Variants in ASIC2 observed in about 807,000 individuals in gnomAD.
ASIC2 encodes acid sensing ion channel subunit 2.
A neutral mutation model predicts 57.3 loss-of-function variants in ASIC2; 25 were observed. That is an observed-to-expected ratio of 0.44 (90% CI 0.32 to 0.61). The LOEUF (loss-of-function observed/expected upper bound fraction) is 0.61, where lower values mean the gene tolerates loss of function less well. ASIC2 is among the 20% of genes least tolerant of loss of function. The pLI is 0.06. For synonymous variants in ASIC2, 319 were observed against 307.5 expected (o/e 1.04, Z -0.39); for missense variants, 641 against 738.1 (o/e 0.87, Z 1.52).
At position 33,891,920 on chromosome 17, in the gene ASIC2, C is replaced by A. The variant is rs576853154; in HGVS notation, c.555+264058G>T. Among the ~76,000 whole-genome samples, 4 of 152,326 alleles carry A rather than the reference C, an allele frequency of 2.6e-5. No individual in the cohort carries two copies. In the South Asian group the frequency reaches 8.3e-4, roughly 32 times the overall value. On this transcript the variant is annotated intron_variant, in intron 1 of 9. Coordinates refer to the ASIC2 transcript ENST00000359872. ...CCTGGAGCTATTTGGGTGGTGGTTT[C>A]ATTTTTCTGCTCTATTTTTTCTTTA...
At chr17:33,052,781 T>G in intron 3 of ASIC2, 1 of 152,184 alleles carries the variant, frequency 6.6e-6, no homozygotes, top group African/African-American at 2.4e-5. Context: ...AGGGCAGTTC[T>G]CCAGTATTGG....
chr17:33,313,075 A>T (rs1004130421), intron 1 of ASIC2, among the ~76,000 whole-genome samples: 1 of 152,170 alleles, frequency 6.6e-6, no homozygotes, highest in Non-Finnish European at 1.5e-5. Context: ...TGGGAGACCA[A>T]GGTGGGAGGA....
chr17:33,742,977 A>G (rs1000933904), intron 1 of ASIC2, among the ~76,000 whole-genome samples: 2 of 152,136 alleles, frequency 1.3e-5, no homozygotes, highest in Non-Finnish European at 2.9e-5. Context: ...TCCTGTTGGT[A>G]AGTCCTAGTA....
intron 1 of ASIC2, among the ~76,000 whole-genome samples, chr17:34,074,368 C>T (rs967624329): frequency 2.0e-5 from 3 of 152,090 alleles, no homozygotes; most frequent in African/African-American, 4.8e-5. Flanking sequence ...ATACAGGCAC[C>T]GAGGCTCTGA....
At chr17:33,255,120 A>G (rs780516314) in intron 1 of ASIC2, among the ~76,000 whole-genome samples, 4 of 145,624 alleles carry the variant, frequency 2.7e-5, no homozygotes. Flanking sequence ...GCTCACTGAA[A>G]CCTCCACCTC....
chr17:33,247,908 G>A (rs763113210), intron 1 of ASIC2, among the ~76,000 whole-genome samples: 10 of 152,204 alleles, frequency 6.6e-5, no homozygotes, highest in Non-Finnish European at 1.2e-4. Flanking sequence ...CTTAGACTCT[G>A]AAGTATATGT....
chr17:33,771,061 C>G (rs1377263817), intron 1 of ASIC2, among the ~76,000 whole-genome samples: 1 of 152,188 alleles, frequency 6.6e-6, no homozygotes, highest in Non-Finnish European at 1.5e-5. Context: ...AGGCACTGAA[C>G]TAAGAGCTCT....
intron 1 of ASIC2, among the ~76,000 whole-genome samples, chr17:33,742,502 G>A (rs951670544): frequency 6.6e-6 from 1 of 152,228 alleles, no homozygotes; most frequent in Non-Finnish European, 1.5e-5. Flanking sequence ...CTAGAGAGGA[G>A]TGACAGAGTC....
chr17:33,291,383 C>A (rs752537589), intron 1 of ASIC2, 25 bp downstream of exon 1: 1 of 1,575,200 alleles, frequency 6.3e-7, no homozygotes, highest in Admixed American at 1.7e-5. Context: ...GCAGAGGGAG[C>A]GGGTTCGCGC....
chr17:33,794,659 C>T (rs1911864136), intron 1 of ASIC2: 2 of 152,104 alleles, frequency 1.3e-5, no homozygotes, highest in South Asian at 2.1e-4. Flanking sequence ...ATGACATCTT[C>T]CAGGTAATAT....
At position 33,292,435 on chromosome 17, in the gene ASIC2, G is replaced by T; in HGVS notation, c.-320C>A. 1 of 985,658 alleles carries T rather than the reference G, an allele frequency of 1.0e-6. No homozygotes were observed. Among genetic ancestry groups the T allele is most frequent in the Non-Finnish European group, 1.2e-6 (1 of 830,176 alleles). The allele number at this position is 985,658 out of a possible 1,614,324, so 61.1% of individuals were successfully genotyped here. On this transcript the variant is annotated 5_prime_UTR_variant, in exon 1 of 10. Transcript: ENST00000225823. ...GGCGCCCGGCACTACTTCTGGAGGG[G>T]TCCCACTGGGAGCCGCCTCTCCAGT...
At chr17:33,464,687 CTATA>C (rs3057641) in intron 1 of ASIC2, among the ~76,000 whole-genome samples, 45,587 of 131,964 alleles carry the variant, frequency 0.35, 8,130 homozygotes, top group Middle Eastern at 0.44. Context: ...CTCTCTCTCT[CTATA>C]TATATATATA....
chr17:33,560,223 A>C (rs2141983219), intron 1 of ASIC2, among the ~76,000 whole-genome samples: 1 of 152,322 alleles, frequency 6.6e-6, no homozygotes, highest in South Asian at 2.1e-4. Flanking sequence ...TAACACCTCA[A>C]CCAGTTTTTC....
At chr17:33,856,480 G>T (rs1328597844) in intron 1 of ASIC2, among the ~76,000 whole-genome samples, 2 of 152,050 alleles carry the variant, frequency 1.3e-5, no homozygotes, top group African/African-American at 4.8e-5. Context: ...AGTGGTGGTG[G>T]TGGCAGTAGT....
chr17:33,553,288 A>AT (rs1170457947), intron 1 of ASIC2, among the ~76,000 whole-genome samples: 1 of 152,096 alleles, frequency 6.6e-6, no homozygotes, highest in Non-Finnish European at 1.5e-5. Flanking sequence ...TATGTGGTTT[A>AT]TTTTGGGCTT....
At chr17:33,863,219 G>A (rs1346737885) in intron 1 of ASIC2, among the ~76,000 whole-genome samples, 1 of 152,264 alleles carries the variant, frequency 6.6e-6, no homozygotes, top group East Asian at 1.9e-4. Context: ...GCCATTCTGG[G>A]CCACGTGGCT....
At chr17:33,041,817 T>C (rs896292515) in intron 3 of ASIC2, among the ~76,000 whole-genome samples, 28 of 152,228 alleles carry the variant, frequency 1.8e-4, no homozygotes, top group African/African-American at 6.8e-4. Context: ...ATTTCCAGTG[T>C]GATCTTGGGC....
chr17:33,423,195 T>G (rs1446501420), intron 1 of ASIC2, among the ~76,000 whole-genome samples: 1 of 152,202 alleles, frequency 6.6e-6, no homozygotes, highest in Non-Finnish European at 1.5e-5. Flanking sequence ...TGAGAGATAC[T>G]GATGTAATTG....
chr17:33,740,579 A>G (rs1271246351), intron 1 of ASIC2, among the ~76,000 whole-genome samples: 4 of 152,186 alleles, frequency 2.6e-5, no homozygotes, highest in East Asian at 1.9e-4. Context: ...GCGAGCTACA[A>G]TTCAAGATGA....
Sources: allele counts gnomAD v4.1 joint callset (sites outside exome capture counted in the v4.1 genomes callset), GRCh38; gene constraint gnomAD v4.1.1; transcripts MANE v1.5; gene names NCBI Gene and HGNC (gene_info 2026-07-23, HGNC 2026-07-21).